Variants in MAGI1 observed in about 807,000 individuals in gnomAD.
MAGI1 encodes membrane associated guanylate kinase, WW and PDZ domain containing 1.
In MAGI1, 58 loss-of-function variants were observed where a neutral mutation model predicts 139.9. That is an observed-to-expected ratio of 0.41 (90% CI 0.34 to 0.52). The LOEUF (loss-of-function observed/expected upper bound fraction) is 0.52. Among genes scored for constraint, MAGI1 ranks in the 20% least tolerant of loss-of-function variants. The probability of loss-of-function intolerance (pLI) is 0.12; values close to 1 mark genes in which losing one functional copy is unlikely to be tolerated. For missense variants in MAGI1, 1,874 were observed against 1,901.6 expected (o/e 0.99, Z 0.27); for synonymous variants, 812 against 737.9 (o/e 1.10, Z -1.63).
intron 2 of MAGI1, among the ~76,000 whole-genome samples, chr3:65,518,294 T>C (rs1193679811): frequency 6.6e-6 from 1 of 152,208 alleles, no homozygotes; most frequent in Non-Finnish European, 1.5e-5. Flanking sequence ...GTAAAATGAC[T>C]TTCTGTATCT....
chr3:65,957,443 C>G (rs1313235525), intron 1 of MAGI1, among the ~76,000 whole-genome samples: 1 of 149,814 alleles, frequency 6.7e-6, no homozygotes, highest in Non-Finnish European at 1.5e-5. Flanking sequence ...ATCGCTTGAG[C>G]CTGGGAGGTG....
intron 1 of MAGI1, among the ~76,000 whole-genome samples, chr3:65,878,906 G>T (rs1347619613): frequency 6.6e-6 from 1 of 151,992 alleles, no homozygotes; most frequent in African/African-American, 2.4e-5. Flanking sequence ...ATGGTTTTCT[G>T]CAGTGGGCAG....
At chr3:65,963,976 C>T (rs1045789298) in intron 1 of MAGI1, among the ~76,000 whole-genome samples, 8 of 152,162 alleles carry the variant, frequency 5.3e-5, no homozygotes, top group African/African-American at 1.9e-4. Flanking sequence ...CTAAGCCAAG[C>T]TTCCAATGAA....
chr3:65,957,974 GTC>G (rs993490408), intron 1 of MAGI1, among the ~76,000 whole-genome samples: 27 of 152,098 alleles, frequency 1.8e-4, no homozygotes, highest in African/African-American at 5.1e-4. Context: ...GTTCAGGCTG[GTC>G]TCTAACTCTT....
chr3:65,940,800 T>C (rs1056596804), intron 1 of MAGI1, among the ~76,000 whole-genome samples: 1 of 152,116 alleles, frequency 6.6e-6, no homozygotes, highest in African/African-American at 2.4e-5. Flanking sequence ...ACCCACAAGG[T>C]ATTAACCATG....
chr3:65,388,032 C>T (rs979796140), intron 14 of MAGI1, among the ~76,000 whole-genome samples: 8 of 152,178 alleles, frequency 5.3e-5, no homozygotes, highest in East Asian at 1.9e-4. Flanking sequence ...AACACTGCAT[C>T]GCTGTCGTTT....
intron 2 of MAGI1, among the ~76,000 whole-genome samples, chr3:65,515,900 G>T (rs2077849244): frequency 6.6e-6 from 1 of 152,058 alleles, no homozygotes; most frequent in African/African-American, 2.4e-5. Context: ...AAATGAGGGT[G>T]AGAACACATC....
chr3:65,964,398 T>C (rs902283348), intron 1 of MAGI1, among the ~76,000 whole-genome samples: 3 of 152,162 alleles, frequency 2.0e-5, no homozygotes, highest in Non-Finnish European at 2.9e-5. Context: ...CAGGGACTTA[T>C]ATCTGTGGGT....
chr3:65,774,515 CATA>C (rs2038209821), intron 1 of MAGI1, among the ~76,000 whole-genome samples: 1 of 152,136 alleles, frequency 6.6e-6, no homozygotes, highest in Non-Finnish European at 1.5e-5. Flanking sequence ...GAAAAGAATT[CATA>C]ATAAGTGCTT....
intron 12 of MAGI1, chr3:65,401,750 C>A: frequency 7.0e-7 from 1 of 1,432,296 alleles, no homozygotes; most frequent in Non-Finnish European, 9.2e-7. Context: ...ACCTCAGCGG[C>A]CTGGGAAATT....
intron 12 of MAGI1, among the ~76,000 whole-genome samples, chr3:65,409,204 T>C (rs1199252822): frequency 1.3e-5 from 2 of 152,226 alleles, no homozygotes; most frequent in Non-Finnish European, 2.9e-5. Context: ...ACATGGCCCC[T>C]GCCCTGGAGG....
chr3:65,728,903 C>G (rs932241041), intron 1 of MAGI1, among the ~76,000 whole-genome samples: 9 of 152,082 alleles, frequency 5.9e-5, no homozygotes, highest in African/African-American at 2.2e-4. Flanking sequence ...GATTCCTAAT[C>G]AATACTCATA....
At chr3:65,749,792 C>G (rs566491577) in intron 1 of MAGI1, among the ~76,000 whole-genome samples, 2 of 150,968 alleles carry the variant, frequency 1.3e-5, no homozygotes, top group African/African-American at 4.9e-5. Flanking sequence ...AGAAATGATA[C>G]GCTGAATCAA....
At chr3:65,642,290 A>G (rs992042352) in intron 1 of MAGI1, among the ~76,000 whole-genome samples, 2 of 152,280 alleles carry the variant, frequency 1.3e-5, no homozygotes, top group Admixed American at 6.5e-5. Context: ...AGCCACTCCC[A>G]TATCTTGATC....
chr3:65,908,338 C>A (rs1315448211), intron 1 of MAGI1, among the ~76,000 whole-genome samples: 1 of 151,954 alleles, frequency 6.6e-6, no homozygotes, highest in African/African-American at 2.4e-5. Flanking sequence ...GAGTCTTACA[C>A]TGTCACCCAG....
intron 1 of MAGI1, among the ~76,000 whole-genome samples, chr3:65,911,940 G>A (rs994361234): frequency 1.4e-4 from 21 of 152,162 alleles, no homozygotes; most frequent in Non-Finnish European, 2.5e-4. Flanking sequence ...CCAGTCCAAG[G>A]CAAAGAGATT....
At chr3:65,600,750 A>AG in intron 2 of MAGI1, among the ~76,000 whole-genome samples, 1 of 152,366 alleles carries the variant, frequency 6.6e-6, no homozygotes, top group African/African-American at 2.4e-5. Context: ...AATAACTGTG[A>AG]GAAAAAGGCC....
chr3:65,573,704 C>T (rs1405178760), intron 2 of MAGI1, among the ~76,000 whole-genome samples: 2 of 152,106 alleles, frequency 1.3e-5, no homozygotes, highest in East Asian at 3.8e-4. Flanking sequence ...TTACCCTTTT[C>T]TGTCTAACAC....
At chr3:65,749,964 T>C (rs2036011368) in intron 1 of MAGI1, among the ~76,000 whole-genome samples, 2 of 152,050 alleles carry the variant, frequency 1.3e-5, no homozygotes, top group South Asian at 4.2e-4. Context: ...AAACTCAAAA[T>C]GATGGTGCAA....
Sources: gnomAD v4.1 joint callset for allele counts (sites outside exome capture counted in the v4.1 genomes callset) on GRCh38, gnomAD v4.1.1 for gene constraint, MANE v1.5 for transcripts, NCBI Gene and HGNC (gene_info 2026-07-23, HGNC 2026-07-21) for gene names.